The following IFT140 variants were observed in gnomAD, a reference collection of about 807,000 sequenced individuals.
The protein encoded by IFT140 is intraflagellar transport protein 140 homolog.
IFT140 carries 133 observed loss-of-function variants against 164.6 expected under a neutral mutation model. The observed-to-expected ratio is 0.81, with a 90% CI of 0.70 to 0.93. The LOEUF is 0.93. IFT140 is among the 40% of genes least tolerant of loss of function. The probability of loss-of-function intolerance (pLI) is 0.00; values close to 1 mark genes in which losing one functional copy is unlikely to be tolerated. For synonymous variants in IFT140, 860 were observed against 817.3 expected, an observed-to-expected ratio of 1.05 and a Z score of -0.89; for missense variants, 2,045 against 1,972.3, an observed-to-expected ratio of 1.04 and a Z score of -0.70.
Position 1,564,040 on chromosome 16 carries a change from T to C in IFT140, c.2024A>G (p.Gln675Arg). The part of the protein sequence containing the change: ...AVQETPRSQP[Q>R]SANGQPQDGR... ...ATCTTGGGGCTGCCCGTTTGCAGACTGAGGCTGGGAGCGCGGCGTCTCCTG... is the reference window on the plus strand; with the variant it reads ...ATCTTGGGGCTGCCCGTTTGCAGACCGAGGCTGGGAGCGCGGCGTCTCCTG... The change falls in exon 17 of 31, where the codon CAG becomes CGG. Residue 675 changes from glutamine (Q) to arginine (R), a missense_variant. By Grantham distance (43) the Gln-to-Arg change is conservative. Transcript: ENST00000426508. The surrounding 1 kb of genome is among the most constrained non-coding windows in gnomAD (Gnocchi z 5.5). The C allele has an allele frequency of 6.3e-7, 1 of 1,598,300 alleles. No homozygotes were observed. Among genetic ancestry groups the C allele is most frequent in the Non-Finnish European group, 8.6e-7 (1 of 1,167,652 alleles).
intron 30 of IFT140, among the ~76,000 whole-genome samples, chr16:1,517,314 C>T (rs530432089): frequency 2.0e-5 from 3 of 148,920 alleles, no homozygotes; most frequent in East Asian, 2.0e-4. Context: ...CGCGCCACTG[C>T]GCTCCAGCCT....
At position 1,518,579 on chromosome 16, in the gene IFT140, C is replaced by A. The variant is rs531029852; in HGVS notation, c.4041-222G>T. Among the ~76,000 whole-genome samples, 156 of 152,154 alleles carry A rather than the reference C, an allele frequency of 1.0e-3. 1 individual carries two copies. Among genetic ancestry groups the A allele is most frequent in the East Asian group, 5.8e-4 (3 of 5,176 alleles). ...TTGAATGCTGGGTCCTATGCTTGGA[C>A]TGAAGACCAAAGACTTCCGACCCCT... On this transcript the variant is annotated intron_variant, in intron 29 of 30. Coordinates refer to ENST00000426508, the MANE Select transcript of IFT140 (RefSeq NM_014714.4).
chr16:1,519,252 A>G (rs2040449972), intron 29 of IFT140, among the ~76,000 whole-genome samples: 1 of 152,210 alleles, frequency 6.6e-6, no homozygotes, highest in South Asian at 2.1e-4. Flanking sequence ...AGGTTCTCCG[A>G]TAAGGAAAAC....
chr16:1,600,457 T>A (rs1332631803), intron 4 of IFT140, among the ~76,000 whole-genome samples: 4 of 88,384 alleles, frequency 4.5e-5, no homozygotes, highest in Non-Finnish European at 5.9e-5. Context: ...AATAAAAAAA[T>A]AAATTTAAAA....
At chr16:1,587,532 C>T (rs1362945325) in intron 8 of IFT140, among the ~76,000 whole-genome samples, 3 of 152,184 alleles carry the variant, frequency 2.0e-5, no homozygotes, top group Non-Finnish European at 1.5e-5. Context: ...GGCAGGAGGT[C>T]GCCAAGAGAA....
At chr16:1,529,165 G>A (rs1446969495) in intron 19 of IFT140, among the ~76,000 whole-genome samples, 5 of 152,182 alleles carry the variant, frequency 3.3e-5, no homozygotes, top group African/African-American at 1.2e-4. Context: ...GAATTCCACG[G>A]ACGCATTCCA....
chr16:1,545,242 A>C (rs1470915318), intron 19 of IFT140, among the ~76,000 whole-genome samples: 1 of 152,070 alleles, frequency 6.6e-6, no homozygotes, highest in Non-Finnish European at 1.5e-5. Flanking sequence ...ACGACCTCTG[A>C]CAAGGTTGGA....
At chr16:1,529,502 C>T (rs948661317) in intron 19 of IFT140, among the ~76,000 whole-genome samples, 2 of 152,218 alleles carry the variant, frequency 1.3e-5, no homozygotes, top group African/African-American at 2.4e-5. Flanking sequence ...GTGCCCCAGG[C>T]GCAGCGTCCT....
At chr16:1,558,895 C>T (rs557535303) in intron 18 of IFT140, among the ~76,000 whole-genome samples, 2 of 152,352 alleles carry the variant, frequency 1.3e-5, no homozygotes, top group African/African-American at 4.8e-5. Context: ...CACCTGCCTC[C>T]CCAGCTGCGC....
At chr16:1,516,825 G>A (rs71385704) in intron 30 of IFT140, among the ~76,000 whole-genome samples, 36,078 of 149,428 alleles carry the variant, frequency 0.24, 4,914 homozygotes, top group African/African-American at 0.37. Flanking sequence ...AAGGTTTAAA[G>A]TAACAATAAT....
intron 19 of IFT140, among the ~76,000 whole-genome samples, chr16:1,539,281 C>T (rs1435468669): frequency 6.6e-6 from 1 of 151,794 alleles, no homozygotes; most frequent in African/African-American, 2.4e-5. Context: ...TTGGGCCTCA[C>T]CAAGCCGCAC....
chr16:1,554,777 T>C, intron 19 of IFT140: 2 of 1,613,972 alleles, frequency 1.2e-6, no homozygotes, highest in East Asian at 2.2e-5. Context: ...TTCTCTCATC[T>C]GCAGGTTTTG....
At chr16:1,543,911 G>T (rs1357349941) in intron 19 of IFT140, among the ~76,000 whole-genome samples, 3 of 152,222 alleles carry the variant, frequency 2.0e-5, no homozygotes, top group Admixed American at 1.3e-4. Context: ...AATTGGAAAT[G>T]CTGGGTCAGA....
chr16:1,511,499 G>A (rs910005227), intron 30 of IFT140, among the ~76,000 whole-genome samples: 1 of 152,222 alleles, frequency 6.6e-6, no homozygotes, highest in Non-Finnish European at 1.5e-5. Flanking sequence ...CAGAGGCCCC[G>A]CGTTCTGCAC....
At chr16:1,595,554 G>A (rs995134883) in intron 4 of IFT140, among the ~76,000 whole-genome samples, 8 of 148,910 alleles carry the variant, frequency 5.4e-5, no homozygotes, top group Non-Finnish European at 3.0e-5. Flanking sequence ...GGTGGAGGTT[G>A]CAGTGCCATT....
intron 19 of IFT140, among the ~76,000 whole-genome samples, chr16:1,544,892 C>T (rs2032034260): frequency 6.6e-6 from 1 of 152,202 alleles, no homozygotes; most frequent in South Asian, 2.1e-4. Flanking sequence ...TTGTGATCCG[C>T]CCGCCTCGGC....
chr16:1,520,480 C>T lies in IFT140; in HGVS notation c.3660+122G>A. On this transcript the variant is annotated intron_variant, in intron 27 of 30. Transcript: ENST00000426508. ...GAGAGATCTTAGTGGTTGTGCTCTT[C>T]CTGGCCAGAAAGGCTCAGCCCTAGC... 4 of 1,354,468 alleles carry T rather than the reference C, an allele frequency of 3.0e-6. No individual in the cohort carries two copies. The South Asian group carries it at 5.3e-5, about 18-fold the overall frequency. 83.9% of individuals were successfully genotyped at this position (1,354,468 alleles called of 1,614,324 possible).
At position 1,592,291 on chromosome 16, in the gene IFT140, A is replaced by G; in HGVS notation, c.519T>C (p.Ala173=). 6.2e-7 allele frequency: 1 copy of G among 1,614,180 alleles called. No homozygotes were observed. The highest frequency in any genetic ancestry group is 8.5e-7 in the Non-Finnish European group (1 of 1,180,040). ...CCAGGGCTTTCTCATCACCGCTCAC[A>G]GCTGCCTTTGCCAACTGAACCAGGT... ...GEDLVQLAKA[A]VSGDEKALDM... The change falls in exon 6 of 31, where the codon GCT becomes GCC. Residue 173 remains alanine (A), a synonymous_variant. Transcript: ENST00000426508.
In IFT140 at chr16:1,564,818, G is replaced by C. The variant is rs1037026108; in HGVS notation, c.1902-656C>G. Among the ~76,000 whole-genome samples the C allele has an allele frequency of 5.9e-5, 9 of 152,238 alleles. No individual in the cohort carries two copies. The highest frequency in any genetic ancestry group is 2.2e-4 in the African/African-American group (9 of 41,466). ...CTGCCGGGCAGCACGACCCATGGCTGCTGAAGAAGGACAGGACCCGGTGCT... is the reference window on the plus strand; with the variant it reads ...CTGCCGGGCAGCACGACCCATGGCTCCTGAAGAAGGACAGGACCCGGTGCT... On this transcript the variant is annotated intron_variant, in intron 16 of 30. Coordinates refer to ENST00000426508, the MANE Select transcript of IFT140 (RefSeq NM_014714.4). The surrounding 1 kb of genome is among the most constrained non-coding windows in gnomAD (Gnocchi z 5.5).
Sources: allele counts gnomAD v4.1 joint callset (sites outside exome capture counted in the v4.1 genomes callset), GRCh38; gene constraint gnomAD v4.1.1; non-coding constraint Gnocchi (gnomAD v3.1); transcripts MANE v1.5; gene names NCBI Gene and HGNC (gene_info 2026-07-23, HGNC 2026-07-21).